MYO9B: variants seen among roughly 807,000 people sequenced by gnomAD.
MYO9B encodes unconventional myosin-IXb.
MYO9B carries 71 observed loss-of-function variants against 229.5 expected under a neutral mutation model. The ratio of observed to expected loss-of-function variants is 0.31; its 90% confidence interval spans 0.26 to 0.38. The LOEUF is 0.38. Ranked by LOEUF, MYO9B falls within the 10% of genes least tolerant of loss-of-function variation. MYO9B has a pLI of 1.00. For missense variants in MYO9B, 2,255 were observed against 2,920.5 expected, an observed-to-expected ratio of 0.77 and a Z score of 5.25; for synonymous variants, 1,185 against 1,235.8, an observed-to-expected ratio of 0.96 and a Z score of 0.86.
At chr19:17,163,221 C>T (rs1041398726) in intron 10 of MYO9B, 99 bp downstream of exon 10, 2 of 1,306,880 alleles carry the variant, frequency 1.5e-6, no homozygotes, top group African/African-American at 1.5e-5. Context: ...AGTTCAGCGG[C>T]GGTAAGTACA....
At position 17,098,049 on chromosome 19, in the gene MYO9B, C is replaced by G. The variant is rs1005999576; in HGVS notation, c.-58-3611C>G. Among the ~76,000 whole-genome samples, 19 of 147,884 alleles carry G rather than the reference C, an allele frequency of 1.3e-4. 1 individual carries two copies. Among genetic ancestry groups the G allele is most frequent in the Admixed American group, 7.4e-4 (11 of 14,856 alleles). Reference sequence around the variant, plus strand: ...AACTCCTCTTCATCCTTCAGAACCCCCCCCCCCCACCTTTTTTTTCTTCAC... The same window carrying G: ...AACTCCTCTTCATCCTTCAGAACCCGCCCCCCCCACCTTTTTTTTCTTCAC... On this transcript the variant is annotated intron_variant, in intron 1 of 39. Coordinates refer to ENST00000682292, the MANE Select transcript of MYO9B (RefSeq NM_004145.4).
chr19:17,197,931 G>A (rs1168644425), intron 23 of MYO9B, 73 bp downstream of exon 23: 6 of 1,554,310 alleles, frequency 3.9e-6, no homozygotes, highest in Non-Finnish European at 4.4e-6. Flanking sequence ...GCGCTTGCCT[G>A]TAACCCCAGC....
intron 2 of MYO9B, among the ~76,000 whole-genome samples, chr19:17,115,222 C>T (rs774412971): frequency 1.1e-4 from 17 of 152,120 alleles, no homozygotes; most frequent in Non-Finnish European, 1.8e-4. Context: ...CTGCCAGTGC[C>T]TATCTCTACA....
intron 10 of MYO9B, among the ~76,000 whole-genome samples, chr19:17,166,492 T>C (rs113889181): frequency 0.081 from 12,290 of 152,194 alleles, 650 homozygotes; most frequent in Middle Eastern, 0.14. Flanking sequence ...GTTACTGATA[T>C]ATTTATGTTT....
chr19:17,101,525 CT>C lies in MYO9B; in HGVS notation c.-58-130del, dbSNP rs1177108158. 29 of 879,558 alleles carry C rather than the reference CT, an allele frequency of 3.3e-5. No individual in the cohort carries two copies. The highest frequency in any genetic ancestry group is 4.5e-5 in the Non-Finnish European group (27 of 598,426). The allele number at this position is 879,558 out of a possible 1,614,324, so 54.5% of individuals were successfully genotyped here. A position where few individuals can be genotyped will look rare whatever the true frequency, so the allele number is the denominator to read the frequency against. The stretch of plus-strand genomic sequence containing the variant: ...GGATGTCGTGACTGGTTGCCTCTGG[CT>C]TTTTGGGCGAGCCTAGTCGGGTGGG... On this transcript the variant is annotated intron_variant, in intron 1 of 39. Coordinates refer to ENST00000682292, the MANE Select transcript of MYO9B (RefSeq NM_004145.4). This position sits in a 1 kb window ranked among gnomAD's most constrained non-coding sequence, Gnocchi z 4.7.
At chr19:17,144,634 C>T (rs1260786838) in intron 2 of MYO9B, among the ~76,000 whole-genome samples, 2 of 151,692 alleles carry the variant, frequency 1.3e-5, no homozygotes, top group Admixed American at 6.6e-5. Flanking sequence ...ATGGGCTACT[C>T]TCTGCTTACT....
At chr19:17,189,585 T>C (rs1478949127) in intron 19 of MYO9B, among the ~76,000 whole-genome samples, 1 of 151,938 alleles carries the variant, frequency 6.6e-6, no homozygotes, top group African/African-American at 2.4e-5. Flanking sequence ...TAAGCCATGT[T>C]TGCACCACTG....
At chr19:17,127,790 T>C (rs1311365518) in intron 2 of MYO9B, among the ~76,000 whole-genome samples, 1 of 152,204 alleles carries the variant, frequency 6.6e-6, no homozygotes, top group Admixed American at 6.5e-5. Flanking sequence ...CTGTGACCGC[T>C]TTCCTGCCAC....
intron 35 of MYO9B, among the ~76,000 whole-genome samples, chr19:17,208,176 A>T (rs193091038): frequency 1.2e-4 from 17 of 145,872 alleles, no homozygotes; most frequent in African/African-American, 3.8e-4. Context: ...AAAAATAAAA[A>T]ATATATATAT....
At chr19:17,090,904 A>G (rs531047283) in intron 1 of MYO9B, among the ~76,000 whole-genome samples, 1 of 152,266 alleles carries the variant, frequency 6.6e-6, no homozygotes, top group Admixed American at 6.5e-5. Context: ...TCCCGCCAGA[A>G]CCAGGGTATT....
At chr19:17,114,762 G>A (rs542741074) in intron 2 of MYO9B, among the ~76,000 whole-genome samples, 4 of 152,030 alleles carry the variant, frequency 2.6e-5, no homozygotes, top group African/African-American at 9.7e-5. Context: ...CCTATGCCAG[G>A]TGCTGGCTGT....
rs143571884 is a variant in MYO9B, at chr19:17,082,059, C to G, written c.-59+6185C>G. On this transcript the variant is annotated intron_variant, in intron 1 of 39. Transcript: ENST00000682292. ...ACCCAAGTGACCTTAGGACCAACTG[C>G]TGTCACAAGTGATTGAACAAAAGAA... 1.6e-4 allele frequency among the ~76,000 whole-genome samples: 24 copies of G among 152,282 alleles called. No homozygotes were observed. The East Asian group carries it at 4.6e-3, about 29-fold the overall frequency.
intron 18 of MYO9B, 146 bp from the exon 19 acceptor site, chr19:17,187,789 A>T (rs2072935673): frequency 4.5e-6 from 3 of 662,986 alleles, no homozygotes; most frequent in Non-Finnish European, 7.8e-6. Context: ...GTGCACCCTG[A>T]CCATGTCTGT....
At chr19:17,169,802 CTTTTTTTTTTTTTT>C (rs762583073) in intron 11 of MYO9B, among the ~76,000 whole-genome samples, 4 of 106,588 alleles carry the variant, frequency 3.8e-5, no homozygotes, top group Non-Finnish European at 5.7e-5. Context: ...CTGTCTCCTC[CTTTTTTTTTTTTTT>C]TTTTTTTTTT....
chr19:17,135,431 T>C (rs1475483319), intron 2 of MYO9B, among the ~76,000 whole-genome samples: 1 of 152,028 alleles, frequency 6.6e-6, no homozygotes, highest in Non-Finnish European at 1.5e-5. Flanking sequence ...TCCTCCCTTC[T>C]GTCCACCCTG....
intron 14 of MYO9B, among the ~76,000 whole-genome samples, chr19:17,176,603 C>G (rs1454719861): frequency 6.6e-6 from 1 of 152,106 alleles, no homozygotes; most frequent in Admixed American, 6.6e-5. Context: ...GTGCATCATG[C>G]GCTTTAGGGA....
intron 2 of MYO9B, among the ~76,000 whole-genome samples, chr19:17,132,525 ATTTTTTTTT>A (rs35184435): frequency 1.7e-5 from 2 of 116,362 alleles, no homozygotes; most frequent in Admixed American, 9.2e-5. Context: ...TATTATTATT[ATTTTTTTTT>A]TTTTTTTTTT....
intron 36 of MYO9B, among the ~76,000 whole-genome samples, chr19:17,210,013 A>G (rs939572454): frequency 3.3e-5 from 5 of 152,158 alleles, no homozygotes; most frequent in Non-Finnish European, 5.9e-5. Context: ...CTTGAACGAA[A>G]GACGATGGTC....
chr19:17,172,502 G>A lies in MYO9B; in HGVS notation c.1935+25G>A, dbSNP rs375379922. 11 of 1,611,028 alleles carry A rather than the reference G, an allele frequency of 6.8e-6. No homozygotes were observed. Among genetic ancestry groups the A allele is most frequent in the Non-Finnish European group, 8.5e-6 (10 of 1,178,726 alleles). On this transcript the variant is annotated intron_variant, in intron 12 of 39. Coordinates refer to ENST00000682292, the MANE Select transcript of MYO9B (RefSeq NM_004145.4). This position sits in a 1 kb window ranked among gnomAD's most constrained non-coding sequence, Gnocchi z 8.2. ...GGTAGGTGTCTGCCCATCACCACTG[G>A]TGGAAGCCTGAGGGAAGCCACAGTC...
Sources: gnomAD v4.1 joint callset for allele counts (sites outside exome capture counted in the v4.1 genomes callset) on GRCh38, gnomAD v4.1.1 for gene constraint, Gnocchi (gnomAD v3.1) non-coding constraint, MANE v1.5 for transcripts, NCBI Gene and HGNC (gene_info 2026-07-23, HGNC 2026-07-21) for gene names.